MAP3K15: variants seen among roughly 807,000 people sequenced by gnomAD.
The protein encoded by MAP3K15 is mitogen-activated protein kinase kinase kinase 15, also known as MAPK/ERK kinase kinase 15.
Under a neutral mutation model 99.5 loss-of-function variants are expected in MAP3K15, and 124 were observed. The ratio of observed to expected loss-of-function variants is 1.25; its 90% CI spans 1.08 to 1.45. The LOEUF (loss-of-function observed/expected upper bound fraction) is 1.45. MAP3K15 is among the 40% of genes most tolerant of loss of function. The pLI, the probability that MAP3K15 is intolerant of heterozygous loss-of-function variation, is 0.00. For synonymous variants in MAP3K15, 494 were observed against 439.6 expected (o/e 1.12, Z -1.55); for missense variants, 1,242 against 1,079.7 (o/e 1.15, Z -2.11).
chrX:19,501,783 G>C (rs1355063329), intron 1 of MAP3K15, among the ~76,000 whole-genome samples: 1 of 112,138 alleles, frequency 8.9e-6, no homozygotes, highest in Non-Finnish European at 1.9e-5. Context: ...AATTATTTAA[G>C]GGCTGGGTGC....
At chrX:19,393,824 G>A (rs1363817652) in intron 16 of MAP3K15, among the ~76,000 whole-genome samples, 1 of 85,767 alleles carries the variant, frequency 1.2e-5, no homozygotes, top group Non-Finnish European at 2.2e-5. Flanking sequence ...CTAGAATGGA[G>A]TGGAGTGGTA....
intron 3 of MAP3K15, among the ~76,000 whole-genome samples, chrX:19,484,837 A>C (rs1457834977): frequency 8.9e-6 from 1 of 111,901 alleles, no homozygotes; most frequent in Non-Finnish European, 1.9e-5. Context: ...TCAATGAGCA[A>C]AACAGCACAG....
chrX:19,505,002 T>C (rs2064466042), intron 1 of MAP3K15, among the ~76,000 whole-genome samples: 1 of 104,363 alleles, frequency 9.6e-6, no homozygotes, highest in Admixed American at 1.0e-4. Context: ...GCCAAACAGG[T>C]ATAGGGTTCC....
chrX:19,489,286 G>C (rs1409809934), intron 1 of MAP3K15, among the ~76,000 whole-genome samples: 1 of 111,310 alleles, frequency 9.0e-6, no homozygotes, highest in Non-Finnish European at 1.9e-5. Context: ...GAGGCATAAA[G>C]TATAATGCAA....
At chrX:19,496,132 T>G (rs1022556030) in intron 1 of MAP3K15, among the ~76,000 whole-genome samples, 2 of 106,257 alleles carry the variant, frequency 1.9e-5, no homozygotes, top group Non-Finnish European at 3.9e-5. Flanking sequence ...AGTGGCATGA[T>G]CTCAGCTCAC....
intron 16 of MAP3K15, among the ~76,000 whole-genome samples, chrX:19,392,817 C>T (rs1391328548): frequency 9.0e-6 from 1 of 111,300 alleles, no homozygotes; most frequent in East Asian, 2.8e-4. Flanking sequence ...GGCCTGCTGG[C>T]GTAGATAACT....
intron 3 of MAP3K15, among the ~76,000 whole-genome samples, chrX:19,465,226 T>C (rs1432234429): frequency 9.0e-6 from 1 of 111,328 alleles, no homozygotes; most frequent in East Asian, 2.8e-4. Context: ...CCTGAAATCA[T>C]CATCTTACTT....
intron 2 of MAP3K15, among the ~76,000 whole-genome samples, chrX:19,488,011 G>C (rs1432569223): frequency 9.0e-6 from 1 of 111,068 alleles, no homozygotes; most frequent in Non-Finnish European, 1.9e-5. Flanking sequence ...TGGGGCCTAG[G>C]CATGGGGATA....
chrX:19,425,478 A>G, intron 9 of MAP3K15, 53 bp downstream of exon 9: 1 of 1,101,520 alleles, frequency 9.1e-7, no homozygotes, highest in Non-Finnish European at 1.2e-6. Context: ...AAGACATTTC[A>G]GAACAAGATC....
rs1199691974 is a variant in MAP3K15, at chrX:19,415,426, G to A, written c.1440-169C>T. On this transcript the variant is annotated intron_variant, in intron 9 of 28. Coordinates refer to ENST00000338883, the MANE Select transcript of MAP3K15 (RefSeq NM_001001671.4). ...GCCACAAAACTAATTAAGAAAACAC[G>A]AGCAGTAGGCAAAGTAAGTCCATCC... Among the ~76,000 whole-genome samples, 6 of 112,204 alleles carry A rather than the reference G, an allele frequency of 5.3e-5. No individual in the cohort carries two copies. In the East Asian group the frequency reaches 1.4e-3, roughly 26 times the overall value.
At chrX:19,504,756 G>C (rs1047191486) in intron 1 of MAP3K15, among the ~76,000 whole-genome samples, 9 of 110,958 alleles carry the variant, frequency 8.1e-5, no homozygotes, top group Non-Finnish European at 1.9e-5. Context: ...TTGAGCCCAG[G>C]AGTTCAAGAC....
chrX:19,373,594 G>A lies in MAP3K15; in HGVS notation c.2875C>T (p.Pro959Ser). ...CGGGTCCTCTCAAAGAGTGCGTCAG[G>A]CTGGGCGTCGGAGTCTGGGGAGACA... ...GSVSPDSDAQ[P>S]DALFERTRAP... Residue 959 changes from proline (P) to serine (S), a missense_variant, in exon 21 of 29, where the codon CCT (proline) becomes TCT (serine). Pro to Ser is a moderately conservative substitution (Grantham distance 74). Coordinates refer to ENST00000338883, the MANE Select transcript of MAP3K15 (RefSeq NM_001001671.4). 8.4e-7 allele frequency: 1 copy of A among 1,184,022 alleles called. No individual in the cohort carries two copies. The highest frequency in any genetic ancestry group is 1.1e-6 in the Non-Finnish European group (1 of 882,148).
In MAP3K15 at chrX:19,492,259, C is replaced by T. The variant is rs974609225; in HGVS notation, c.362-3292G>A. On this transcript the variant is annotated intron_variant, in intron 1 of 28. Transcript: ENST00000338883. ...GCTTTGTTTCATCTTTACTACCATC[C>T]GCAACATCCACCCCTCCCTCCCTGT... Among the ~76,000 whole-genome samples the T allele has an allele frequency of 1.5e-4, 17 of 110,772 alleles. 1 individual carries two copies. Among genetic ancestry groups the T allele is most frequent in the African/African-American group, 4.6e-4 (14 of 30,496 alleles).
chrX:19,374,729 G>C, intron 19 of MAP3K15, 69 bp from the exon 20 acceptor site: 1 of 997,316 alleles, frequency 1.0e-6, no homozygotes, highest in Non-Finnish European at 1.4e-6. Flanking sequence ...CCATGTCTCA[G>C]TCCAAAGCTC....
rs2063375050 is a variant in MAP3K15, at chrX:19,371,453, T to TG, written c.3185dup (p.Glu1063ArgfsTer19). 8.3e-7 allele frequency: 1 copy of TG among 1,211,058 alleles called. No homozygotes were observed. Among genetic ancestry groups the TG allele is most frequent in the East Asian group, 3.0e-5 (1 of 33,849 alleles). ...TTGTGGTCGCCATCACCCGGTGCTCTGGGGAGCGGATGAAGTCCCTCAGGA... is the reference window on the plus strand; with the variant it reads ...TTGTGGTCGCCATCACCCGGTGCTCTGGGGGAGCGGATGAAGTCCCTCAGGA... On this transcript the variant is annotated frameshift_variant, in exon 23 of 29. Transcript: ENST00000338883. LOFTEE classifies it high-confidence loss of function.
At chrX:19,488,447 T>C (rs1361308526) in intron 2 of MAP3K15, among the ~76,000 whole-genome samples, 1 of 111,985 alleles carries the variant, frequency 8.9e-6, no homozygotes, top group East Asian at 2.8e-4. Context: ...TGAGAACTGA[T>C]TTTTATGTGT....
At position 19,409,961 on chromosome X, in the gene MAP3K15, C is replaced by T. The variant is rs745466888; in HGVS notation, c.1711G>A (p.Glu571Lys). Residue 571 changes from glutamate to lysine, a missense_variant, in exon 12 of 29, where the codon GAA becomes AAA. Physicochemically the swap from Glu to Lys is moderately conservative, Grantham distance 56. Transcript: ENST00000338883. ...VSPTEMKQMH[E>K]WNFTASSIKG... ...ATGGAAGAGGCTGTAAAATTCCATT[C>T]GTGCATCTGTTTCTGCAAGTTATCA... The T allele has an allele frequency of 4.1e-5, 49 of 1,205,292 alleles. No homozygotes were observed. The highest frequency in any genetic ancestry group is 5.4e-5 in the Non-Finnish European group (48 of 890,202).
chrX:19,360,422 G>GGCTCACTGCAGCC lies in MAP3K15; in HGVS notation c.*314_*326dup, dbSNP rs2063268691. ...GGCTGGAGTGCAGTGGTGTGATCAT[G>GGCTCACTGCAGCC]GCTCACTGCAGCCTCCACACCTCCT... On this transcript the variant is annotated 3_prime_UTR_variant, in exon 29 of 29. Transcript: ENST00000338883. 2 of 212,354 alleles carry GGCTCACTGCAGCC rather than the reference G, an allele frequency of 9.4e-6. No homozygotes were observed. Among genetic ancestry groups the GGCTCACTGCAGCC allele is most frequent in the East Asian group, 3.2e-4 (2 of 6,281 alleles). The allele number at this position is 212,354 out of a possible 1,213,427, so 17.5% of individuals were successfully genotyped here. A position where few individuals can be genotyped will look rare whatever the true frequency, so the allele number is the denominator to read the frequency against.
At position 19,413,471 on chromosome X, in the gene MAP3K15, C is replaced by G; in HGVS notation, c.1591-7G>C. The G allele has an allele frequency of 1.7e-6, 2 of 1,165,729 alleles. No individual in the cohort carries two copies. The highest frequency in any genetic ancestry group is 2.3e-6 in the Non-Finnish European group (2 of 858,492). On this transcript the variant is annotated splice_region_variant and splice_polypyrimidine_tract_variant and intron_variant, in intron 10 of 28. Transcript: ENST00000338883. Reference sequence around the variant, plus strand: ...TTGGCTCTATGACCAGAACCTGAAACAAGAACAGATGCCTGTTAACGTACA... The same window carrying G: ...TTGGCTCTATGACCAGAACCTGAAAGAAGAACAGATGCCTGTTAACGTACA...
Sources: gnomAD v4.1 joint callset for allele counts (sites outside exome capture counted in the v4.1 genomes callset) on GRCh38, gnomAD v4.1.1 for gene constraint, MANE v1.5 for transcripts, NCBI Gene and HGNC (gene_info 2026-07-23, HGNC 2026-07-21) for gene names.